GRIA1: variants seen among roughly 807,000 people sequenced by gnomAD.
The protein encoded by GRIA1 is glutamate receptor 1.
A neutral mutation model predicts 99.2 loss-of-function variants in GRIA1; 31 were observed. The ratio of observed to expected loss-of-function variants is 0.31; its 90% confidence interval spans 0.23 to 0.42. GRIA1 has a LOEUF of 0.42. Ranked by LOEUF, GRIA1 falls within the 10% of genes least tolerant of loss-of-function variation. The pLI is 1.00. For missense variants in GRIA1, 782 were observed against 1,157.5 expected, an observed-to-expected ratio of 0.68 and a Z score of 4.71; for synonymous variants, 438 against 432.4, an observed-to-expected ratio of 1.01 and a Z score of -0.16.
chr5:153,583,683 T>C (rs1033417686), intron 2 of GRIA1, among the ~76,000 whole-genome samples: 2 of 152,166 alleles, frequency 1.3e-5, no homozygotes. Context: ...AGTTGAAACT[T>C]TGTTTTCAGG....
At chr5:153,492,279 C>T (rs959841194) in intron 1 of GRIA1, 23 of 1,535,288 alleles carry the variant, frequency 1.5e-5, no homozygotes, top group Non-Finnish European at 1.9e-5. Flanking sequence ...TGCTTTGTTT[C>T]CTGACACCTG....
intron 2 of GRIA1, among the ~76,000 whole-genome samples, chr5:153,604,115 C>T (rs1315206650): frequency 6.6e-6 from 1 of 151,870 alleles, no homozygotes; most frequent in Admixed American, 6.6e-5. Context: ...AAAATTTCTC[C>T]CTGGAGCTTT....
chr5:153,629,109 G>C (rs1282202969), intron 2 of GRIA1, among the ~76,000 whole-genome samples: 3 of 152,204 alleles, frequency 2.0e-5, no homozygotes. Context: ...CAAGTGTGCT[G>C]ACTCACAGGC....
intron 11 of GRIA1, among the ~76,000 whole-genome samples, chr5:153,748,332 A>C (rs895740588): frequency 6.6e-6 from 1 of 152,176 alleles, no homozygotes; most frequent in Non-Finnish European, 1.5e-5. Context: ...AGGTAAGGGG[A>C]TCAACAAAAA....
chr5:153,574,371 T>G (rs1762363809), intron 2 of GRIA1: 1 of 152,118 alleles, frequency 6.6e-6, no homozygotes. Context: ...GGTAACTGAA[T>G]TAGAGTGCCT....
chr5:153,670,773 C>T (rs530557534), intron 5 of GRIA1, among the ~76,000 whole-genome samples: 1 of 152,014 alleles, frequency 6.6e-6, no homozygotes, highest in East Asian at 1.9e-4. Context: ...TTGAATTTTC[C>T]CATAAACCAG....
rs374829856 is a variant in GRIA1 at position 153,772,533 on chromosome 5, TTGAA to T, written c.2270+2119_2270+2122del. Among the ~76,000 whole-genome samples, 902 of 152,244 alleles carry T rather than the reference TTGAA, an allele frequency of 5.9e-3. 4 individuals carry two copies. Among genetic ancestry groups the T allele is most frequent in the Non-Finnish European group, 9.7e-3 (657 of 68,006 alleles). On this transcript the variant is annotated intron_variant, in intron 13 of 15. Transcript: ENST00000285900. ...TTATTCAAAGAGGAATGAAAATACTTTGAAGAACTTTAAGTAATTATCGGAAAAT... is the reference window on the plus strand; with the variant it reads ...TTATTCAAAGAGGAATGAAAATACTTGAACTTTAAGTAATTATCGGAAAAT...
chr5:153,586,793 A>G (rs1763523518), intron 2 of GRIA1, among the ~76,000 whole-genome samples: 1 of 152,204 alleles, frequency 6.6e-6, no homozygotes, highest in South Asian at 2.1e-4. Flanking sequence ...TTGGATAAGG[A>G]AGAGAAATCA....
intron 2 of GRIA1, among the ~76,000 whole-genome samples, chr5:153,503,639 T>C (rs1755215744): frequency 6.6e-6 from 1 of 152,250 alleles, no homozygotes; most frequent in Non-Finnish European, 1.5e-5. Context: ...GATCTAAATA[T>C]ATAGCTATGC....
intron 5 of GRIA1, among the ~76,000 whole-genome samples, chr5:153,671,276 T>A (rs945892230): frequency 6.6e-6 from 1 of 152,216 alleles, no homozygotes; most frequent in Non-Finnish European, 1.5e-5. Context: ...CAGTATGAAA[T>A]GCCCAGGACC....
Position 153,520,933 on chromosome 5 carries a change from A to G in GRIA1, c.220+26868A>G, listed in dbSNP as rs532098469. 1.1e-4 allele frequency among the ~76,000 whole-genome samples: 16 copies of G among 152,370 alleles called. No individual in the cohort carries two copies. The East Asian group carries it at 3.1e-3, about 29-fold the overall frequency. ...TGTTTTAGGCCCCAGTTTATAGATT[A>G]TAAAAACAGAGGTTTAGTAAATTAC... On this transcript the variant is annotated intron_variant, in intron 2 of 15. Transcript: ENST00000285900.
At chr5:153,612,590 G>C (rs550223187) in intron 2 of GRIA1, among the ~76,000 whole-genome samples, 2 of 152,350 alleles carry the variant, frequency 1.3e-5, no homozygotes, top group African/African-American at 4.8e-5. Context: ...GCTGTTATCA[G>C]CTCAAATCAG....
In GRIA1 at chr5:153,698,949, C is replaced by T. The variant is rs1347233128; in HGVS notation, c.1328C>T (p.Ala443Val). ...DRYEGYCVEL[A>V]AEIAKHVGYS... ...TACGAGGGCTACTGTGTAGAGCTGG[C>T]GGCAGAGATTGCCAAGCACGTGGGC... is the stretch of plus-strand genomic sequence containing the variant. The change falls in exon 10 of 16, where the codon GCG (alanine) becomes GTG (valine). Residue 443 changes from alanine (A) to valine (V), a missense_variant. By Grantham distance (64) the Ala-to-Val change is moderately conservative. This residue lies in a region of GRIA1 where 87 missense variants were observed against 184.5 expected (regional missense o/e 0.47). Coordinates refer to ENST00000285900, the MANE Select transcript of GRIA1 (RefSeq NM_000827.4). 1.9e-6 allele frequency: 3 copies of T among 1,611,376 alleles called. No individual in the cohort carries two copies. The highest frequency in any genetic ancestry group is 2.2e-5 in the East Asian group (1 of 44,724).
chr5:153,718,479 C>T (rs533629271), intron 11 of GRIA1, among the ~76,000 whole-genome samples: 1 of 152,200 alleles, frequency 6.6e-6, no homozygotes, highest in African/African-American at 2.4e-5. Flanking sequence ...TTCAGACAAA[C>T]CTGGGTTTGG....
At chr5:153,767,546 A>G (rs918392892) in intron 12 of GRIA1, among the ~76,000 whole-genome samples, 7 of 152,182 alleles carry the variant, frequency 4.6e-5, no homozygotes, top group African/African-American at 1.4e-4. Context: ...AAGCCTTTCC[A>G]TCTCTGTGAC....
chr5:153,518,685 A>G (rs2113357800), intron 2 of GRIA1, among the ~76,000 whole-genome samples: 1 of 152,348 alleles, frequency 6.6e-6, no homozygotes, highest in South Asian at 2.1e-4. Flanking sequence ...TCAGCACTGT[A>G]CAAATATTAT....
intron 11 of GRIA1, among the ~76,000 whole-genome samples, chr5:153,722,663 TTGTC>T (rs1264669111): frequency 6.6e-6 from 1 of 152,220 alleles, no homozygotes; most frequent in Non-Finnish European, 1.5e-5. Flanking sequence ...GTTGATATAG[TTGTC>T]TGTCTTTGCC....
chr5:153,690,193 A>G lies in GRIA1; in HGVS notation c.1134+3864A>G, dbSNP rs187595104. On this transcript the variant is annotated intron_variant, in intron 8 of 15. Transcript: ENST00000285900. ...CCCACAGATTTTCTGGTTGGTGCGTAAAGAGTTTGATAAGAATCACTGGCA... is the reference window on the plus strand; with the variant it reads ...CCCACAGATTTTCTGGTTGGTGCGTGAAGAGTTTGATAAGAATCACTGGCA... Among the ~76,000 whole-genome samples the G allele has an allele frequency of 2.8e-3, 427 of 152,192 alleles. 2 individuals are homozygous for G. The highest frequency in any genetic ancestry group is 9.8e-3 in the African/African-American group (407 of 41,532).
intron 2 of GRIA1, among the ~76,000 whole-genome samples, chr5:153,541,697 C>T (rs901622845): frequency 6.6e-6 from 1 of 152,010 alleles, no homozygotes; most frequent in Non-Finnish European, 1.5e-5. Flanking sequence ...TTTGGGAGGT[C>T]AAAGCAGGCG....
Sources: allele counts gnomAD v4.1 joint callset (sites outside exome capture counted in the v4.1 genomes callset), GRCh38; gene constraint gnomAD v4.1.1; regional missense constraint gnomAD v4.1.1; transcripts MANE v1.5; gene names NCBI Gene and HGNC (gene_info 2026-07-23, HGNC 2026-07-21).